Variants in SLC23A2 observed in about 807,000 individuals in gnomAD.
SLC23A2 encodes the protein solute carrier family 23 member 2.
SLC23A2 carries 36 observed loss-of-function variants against 73.3 expected under a neutral mutation model. The observed-to-expected ratio is 0.49, with a 90% CI of 0.38 to 0.65. The LOEUF (loss-of-function observed/expected upper bound fraction) is 0.65. SLC23A2 is among the 30% of genes least tolerant of loss of function. SLC23A2 has a pLI of 0.00. For missense variants in SLC23A2, 507 were observed against 841.6 expected, an observed-to-expected ratio of 0.60 and a Z score of 4.92; for synonymous variants, 343 against 327.3, an observed-to-expected ratio of 1.05 and a Z score of -0.52.
At chr20:4,989,983 C>T (rs753980105) in intron 1 of SLC23A2, among the ~76,000 whole-genome samples, 2 of 151,972 alleles carry the variant, frequency 1.3e-5, no homozygotes, top group Admixed American at 1.3e-4. Context: ...GCCAACAGAC[C>T]GCAGAAGAAA....
rs534322963 is a variant in SLC23A2, at chr20:4,942,625, G to C, written c.-154-9909C>G. 3.1e-4 allele frequency among the ~76,000 whole-genome samples: 47 copies of C among 152,200 alleles called. No individual in the cohort carries two copies. The East Asian group carries it at 4.2e-3, about 14-fold the overall frequency. The stretch of plus-strand genomic sequence containing the variant: ...TATTCAGCCTGTAATGATTTCTTTT[G>C]AACTTCATTTTATCCGACCATCTCT... On this transcript the variant is annotated intron_variant, in intron 2 of 16. Coordinates refer to ENST00000338244, the MANE Select transcript of SLC23A2 (RefSeq NM_005116.6).
At chr20:4,987,728 G>A (rs2087855022) in intron 1 of SLC23A2, among the ~76,000 whole-genome samples, 1 of 151,758 alleles carries the variant, frequency 6.6e-6, no homozygotes, top group South Asian at 2.1e-4. Context: ...GGCGCCTGTA[G>A]TCCCAGCTAC....
Position 4,861,943 on chromosome 20 carries a change from C to T in SLC23A2, c.1624+5G>A. The T allele has an allele frequency of 6.2e-7, 1 of 1,613,820 alleles. No individual in the cohort carries two copies. The highest frequency in any genetic ancestry group is 8.5e-7 in the Non-Finnish European group (1 of 1,179,876). ...CACTCCAAGATGTAAAGCCCATTTCCTCACCTGTGACCAGAGGGTTCTGTC... is the reference window on the plus strand; with the variant it reads ...CACTCCAAGATGTAAAGCCCATTTCTTCACCTGTGACCAGAGGGTTCTGTC... On this transcript the variant is annotated splice_donor_5th_base_variant and intron_variant, in intron 15 of 16. Transcript: ENST00000338244.
chr20:4,965,718 G>A (rs975799879), intron 2 of SLC23A2, among the ~76,000 whole-genome samples: 10 of 152,158 alleles, frequency 6.6e-5, no homozygotes, highest in Non-Finnish European at 1.5e-5. Context: ...TGTAATCCCA[G>A]CACTTTGGGA....
At chr20:5,009,079 G>A (rs1431283782) in intron 1 of SLC23A2, among the ~76,000 whole-genome samples, 1 of 152,100 alleles carries the variant, frequency 6.6e-6, no homozygotes, top group African/African-American at 2.4e-5. Context: ...GCACAATCCA[G>A]GGAATCTTTT....
chr20:4,954,280 C>T (rs943935932), intron 2 of SLC23A2, among the ~76,000 whole-genome samples: 6 of 152,080 alleles, frequency 3.9e-5, no homozygotes, highest in African/African-American at 1.4e-4. Context: ...ATGAATAAGG[C>T]TAATATAATA....
chr20:4,956,755 G>C (rs114520120), intron 2 of SLC23A2, among the ~76,000 whole-genome samples: 3,837 of 150,420 alleles, frequency 0.026, 162 homozygotes, highest in African/African-American at 0.089. Flanking sequence ...TTAGCCAACG[G>C]ATATGGGTGA....
chr20:4,922,965 C>CGGGA lies in SLC23A2; in HGVS notation c.108+9489_108+9490insTCCC, dbSNP rs1932546294. On this transcript the variant is annotated intron_variant, in intron 3 of 16. Coordinates refer to ENST00000338244, the MANE Select transcript of SLC23A2 (RefSeq NM_005116.6). Reference sequence around the variant, plus strand: ...TTTTCATTCGTAACAAATTGTGTGTCTCCCAACTATTAGATGTGTACTTTG... The same window carrying CGGGA: ...TTTTCATTCGTAACAAATTGTGTGTCGGGATCCCAACTATTAGATGTGTACTTTG... 2.0e-5 allele frequency among the ~76,000 whole-genome samples: 3 copies of CGGGA among 152,252 alleles called. No individual in the cohort carries two copies. In the South Asian group the frequency reaches 6.2e-4, roughly 32 times the overall value.
At chr20:4,869,563 C>A (rs868164781) in intron 12 of SLC23A2, 6 of 223,140 alleles carry the variant, frequency 2.7e-5, no homozygotes, top group African/African-American at 1.2e-4. Flanking sequence ...ACACACACCC[C>A]AAAAAAAGCA....
chr20:4,929,685 G>C (rs1361027076), intron 3 of SLC23A2, among the ~76,000 whole-genome samples: 1 of 152,106 alleles, frequency 6.6e-6, no homozygotes, highest in Non-Finnish European at 1.5e-5. Flanking sequence ...AAAATAGGCA[G>C]AAGTTAACCA....
rs1488707622 is a variant in SLC23A2 at position 4,872,721 on chromosome 20, A to G, written c.1102+1215T>C. ...AATAGGTCTGTATAAATGCACACTTAGACCATACAATCTGATGAGAAAGTT... is the reference window on the plus strand; with the variant it reads ...AATAGGTCTGTATAAATGCACACTTGGACCATACAATCTGATGAGAAAGTT... On this transcript the variant is annotated intron_variant, in intron 11 of 16. Coordinates refer to ENST00000338244, the MANE Select transcript of SLC23A2 (RefSeq NM_005116.6). This position sits in a 1 kb window ranked among gnomAD's most constrained non-coding sequence, Gnocchi z 4.4. Among the ~76,000 whole-genome samples, 1 of 152,206 alleles carries G rather than the reference A, an allele frequency of 6.6e-6. No individual in the cohort carries two copies. The highest frequency in any genetic ancestry group is 1.5e-5 in the Non-Finnish European group (1 of 68,038).
intron 4 of SLC23A2, among the ~76,000 whole-genome samples, chr20:4,905,345 C>G (rs942354209): frequency 1.3e-5 from 2 of 152,116 alleles, no homozygotes; most frequent in African/African-American, 4.8e-5. Context: ...GACGCTGTGC[C>G]CCCCCTCCTG....
intron 9 of SLC23A2, among the ~76,000 whole-genome samples, chr20:4,879,889 A>G (rs369414167): frequency 1.6e-4 from 25 of 152,244 alleles, no homozygotes; most frequent in African/African-American, 5.3e-4. Flanking sequence ...TAAAAAACAA[A>G]TTAAGGGTGG....
intron 4 of SLC23A2, among the ~76,000 whole-genome samples, chr20:4,912,234 A>G (rs1169270780): frequency 6.6e-6 from 1 of 151,904 alleles, no homozygotes; most frequent in Non-Finnish European, 1.5e-5. Context: ...AGCAAAACAA[A>G]AATAAACAAA....
intron 2 of SLC23A2, among the ~76,000 whole-genome samples, chr20:4,934,132 T>C (rs1008037298): frequency 5.9e-5 from 9 of 151,966 alleles, no homozygotes; most frequent in African/African-American, 2.2e-4. Context: ...TCTTCCGGGG[T>C]GGTCGTTCTT....
rs529780724 is a variant in SLC23A2, at chr20:4,973,720, C to T, written c.-281-2801G>A. Among the ~76,000 whole-genome samples the T allele has an allele frequency of 1.3e-4, 20 of 152,262 alleles. No individual in the cohort carries two copies. In the East Asian group the frequency reaches 2.9e-3, roughly 22 times the overall value. ...GGAAACATGAAAACTGTCCTTTGCA[C>T]GCAAGGCTACGGGGCTGAGATCAAA... is the stretch of plus-strand genomic sequence containing the variant. On this transcript the variant is annotated intron_variant, in intron 1 of 16. Transcript: ENST00000338244.
intron 1 of SLC23A2, among the ~76,000 whole-genome samples, chr20:4,987,167 T>G (rs2087844075): frequency 6.6e-6 from 1 of 152,084 alleles, no homozygotes; most frequent in Non-Finnish European, 1.5e-5. Context: ...AAGGGTCAAC[T>G]GGAGGAAAGA....
intron 4 of SLC23A2, among the ~76,000 whole-genome samples, chr20:4,908,919 G>A (rs1932049795): frequency 6.6e-6 from 1 of 152,186 alleles, no homozygotes; most frequent in South Asian, 2.1e-4. Context: ...GAATGACAGA[G>A]CAAGACTATC....
In SLC23A2 at chr20:4,932,612, G is replaced by A. The variant is rs1247132994; in HGVS notation, c.-50C>T. On this transcript the variant is annotated 5_prime_UTR_variant, in exon 3 of 17. Coordinates refer to ENST00000338244, the MANE Select transcript of SLC23A2 (RefSeq NM_005116.6). Reference sequence around the variant, plus strand: ...GCCGTTGGGGAGAGCAGCTGGAAGTGAAGGCTTATTCAAGCTAGGAGCCCA... The same window carrying A: ...GCCGTTGGGGAGAGCAGCTGGAAGTAAAGGCTTATTCAAGCTAGGAGCCCA... 4 of 1,012,888 alleles carry A rather than the reference G, an allele frequency of 3.9e-6. No homozygotes were observed. The highest frequency in any genetic ancestry group is 3.8e-5 in the South Asian group (3 of 78,730). The allele number at this position is 1,012,888 out of a possible 1,614,324, so 62.7% of individuals were successfully genotyped here.
Sources: gnomAD v4.1 joint callset for allele counts (sites outside exome capture counted in the v4.1 genomes callset) on GRCh38, gnomAD v4.1.1 for gene constraint, Gnocchi (gnomAD v3.1) non-coding constraint, MANE v1.5 for transcripts, NCBI Gene and HGNC (gene_info 2026-07-23, HGNC 2026-07-21) for gene names.